The following ST8SIA4 variants were observed in gnomAD, a reference collection of about 807,000 sequenced individuals.
The protein encoded by ST8SIA4 is CMP-N-acetylneuraminate-poly-alpha-2,8-sialyltransferase.
ST8SIA4 carries 15 observed loss-of-function variants against 33.9 expected under a neutral mutation model. The ratio of observed to expected loss-of-function variants is 0.44; its 90% confidence interval spans 0.30 to 0.68. The LOEUF is 0.68. Among genes scored for constraint, ST8SIA4 ranks in the 30% least tolerant of loss-of-function variants. The pLI is 0.10. For missense variants in ST8SIA4, 321 were observed against 428.0 expected, an observed-to-expected ratio of 0.75 and a Z score of 2.21; for synonymous variants, 171 against 151.2, an observed-to-expected ratio of 1.13 and a Z score of -0.96.
chr5:100,824,053 A>G (rs962591128), intron 4 of ST8SIA4, among the ~76,000 whole-genome samples: 2 of 152,232 alleles, frequency 1.3e-5, no homozygotes, highest in African/African-American at 4.8e-5. Context: ...TTCAAGAGGA[A>G]TATTTCCATA....
At chr5:100,816,792 C>G (rs1299467859) in intron 4 of ST8SIA4, among the ~76,000 whole-genome samples, 1 of 152,086 alleles carries the variant, frequency 6.6e-6, no homozygotes, top group Non-Finnish European at 1.5e-5. Context: ...TAAGGAGTCT[C>G]CTCTATTTCT....
chr5:100,819,053 AT>A (rs1377800544), intron 4 of ST8SIA4, among the ~76,000 whole-genome samples: 2 of 152,202 alleles, frequency 1.3e-5, no homozygotes, highest in East Asian at 3.8e-4. Flanking sequence ...TTATTGTGAT[AT>A]TAATAATTTT....
At chr5:100,855,117 C>G (rs1053946375) in intron 4 of ST8SIA4, among the ~76,000 whole-genome samples, 6 of 152,232 alleles carry the variant, frequency 3.9e-5, no homozygotes, top group Non-Finnish European at 8.8e-5. Flanking sequence ...CATACGTTTA[C>G]TGTGCACTTC....
intron 3 of ST8SIA4, among the ~76,000 whole-genome samples, chr5:100,870,062 G>T (rs925304642): frequency 1.3e-5 from 2 of 152,068 alleles, no homozygotes; most frequent in African/African-American, 4.8e-5. Context: ...TGATCTCATT[G>T]TTCAATTCCC....
chr5:100,862,611 A>G (rs899233785), intron 3 of ST8SIA4, among the ~76,000 whole-genome samples: 2 of 151,324 alleles, frequency 1.3e-5, no homozygotes, highest in African/African-American at 4.9e-5. Flanking sequence ...TATGTTTGTC[A>G]TGCTCGTCTT....
intron 4 of ST8SIA4, among the ~76,000 whole-genome samples, chr5:100,830,034 T>C (rs1469349217): frequency 6.6e-6 from 1 of 152,198 alleles, no homozygotes; most frequent in Non-Finnish European, 1.5e-5. Context: ...ATTATTTATG[T>C]TTCATTTTTA....
chr5:100,901,571 A>G (rs748461232), intron 1 of ST8SIA4, among the ~76,000 whole-genome samples: 5 of 152,138 alleles, frequency 3.3e-5, no homozygotes, highest in Non-Finnish European at 7.4e-5. Context: ...AAACGACCTC[A>G]TACCGGTCTT....
chr5:100,856,534 T>C, intron 3 of ST8SIA4, 138 bp from the exon 4 acceptor site: 2 of 805,432 alleles, frequency 2.5e-6, no homozygotes, highest in Non-Finnish European at 3.9e-6. Context: ...ATCTACTTGG[T>C]AAGATTACAT....
chr5:100,820,750 C>T (rs1446051099), intron 4 of ST8SIA4, among the ~76,000 whole-genome samples: 1 of 151,970 alleles, frequency 6.6e-6, no homozygotes, highest in Non-Finnish European at 1.5e-5. Context: ...TTTAAATAAT[C>T]GTATGTGGGC....
intron 4 of ST8SIA4, among the ~76,000 whole-genome samples, chr5:100,842,359 G>A (rs185805942): frequency 1.8e-4 from 27 of 151,920 alleles, no homozygotes; most frequent in Non-Finnish European, 2.7e-4. Context: ...TGGTAGCGAC[G>A]TTTATTAATG....
chr5:100,855,435 C>T (rs1751793544), intron 4 of ST8SIA4, among the ~76,000 whole-genome samples: 2 of 152,186 alleles, frequency 1.3e-5, no homozygotes, highest in South Asian at 2.1e-4. Context: ...ACACTCAGTA[C>T]ACTTCCAGTA....
intron 4 of ST8SIA4, among the ~76,000 whole-genome samples, chr5:100,829,968 G>GA (rs1234578824): frequency 6.6e-6 from 1 of 151,394 alleles, no homozygotes; most frequent in Admixed American, 6.6e-5. Context: ...CTTCTGTAAG[G>GA]AAAAATGATC....
chr5:100,870,011 G>T (rs1035138667), intron 3 of ST8SIA4, among the ~76,000 whole-genome samples: 1 of 151,906 alleles, frequency 6.6e-6, no homozygotes. Context: ...CCCACCCCAC[G>T]ACAGGCCCTG....
At chr5:100,863,972 C>T (rs1287182858) in intron 3 of ST8SIA4, among the ~76,000 whole-genome samples, 2 of 152,120 alleles carry the variant, frequency 1.3e-5, no homozygotes, top group Non-Finnish European at 2.9e-5. Flanking sequence ...ACTTGTGAAT[C>T]CACATTTTAA....
At chr5:100,873,504 G>A (rs922894520) in intron 3 of ST8SIA4, among the ~76,000 whole-genome samples, 1 of 152,122 alleles carries the variant, frequency 6.6e-6, no homozygotes, top group African/African-American at 2.4e-5. Flanking sequence ...ACAAAGTAAG[G>A]AGTGGTATTT....
At chr5:100,847,732 A>G (rs1751598291) in intron 4 of ST8SIA4, among the ~76,000 whole-genome samples, 1 of 152,126 alleles carries the variant, frequency 6.6e-6, no homozygotes, top group African/African-American at 2.4e-5. Flanking sequence ...TACTACCCAG[A>G]TGAGAAGTTA....
At chr5:100,849,631 A>G (rs1751645785) in intron 4 of ST8SIA4, among the ~76,000 whole-genome samples, 2 of 150,270 alleles carry the variant, frequency 1.3e-5, no homozygotes, top group South Asian at 2.1e-4. Context: ...AAATAGAGAA[A>G]AAAAAAAAAA....
At chr5:100,901,111 T>C (rs910777576) in intron 1 of ST8SIA4, among the ~76,000 whole-genome samples, 3 of 152,236 alleles carry the variant, frequency 2.0e-5, no homozygotes, top group Non-Finnish European at 4.4e-5. Flanking sequence ...ACAGGAGAAA[T>C]GACACCCGTG....
At chr5:100,861,669 G>A (rs1159359885) in intron 3 of ST8SIA4, among the ~76,000 whole-genome samples, 1 of 152,022 alleles carries the variant, frequency 6.6e-6, no homozygotes, top group Non-Finnish European at 1.5e-5. Context: ...AAGATATTTA[G>A]CTTCATTTCT....
Sources: allele counts gnomAD v4.1 joint callset (sites outside exome capture counted in the v4.1 genomes callset), GRCh38; gene constraint gnomAD v4.1.1; transcripts MANE v1.5; gene names NCBI Gene and HGNC (gene_info 2026-07-23, HGNC 2026-07-21).